Variants in COA1 observed in about 807,000 individuals in gnomAD.
COA1 encodes the protein cytochrome c oxidase assembly factor 1, also known as cytochrome c oxidase assembly factor 1 homolog.
In COA1, 13 loss-of-function variants were observed where a neutral mutation model predicts 16.0. The observed-to-expected ratio is 0.81, with a 90% CI of 0.53 to 1.29. The LOEUF is 1.29. Ranked by LOEUF, COA1 falls within the 50% of genes most tolerant of loss-of-function variation. The probability of loss-of-function intolerance (pLI) is 0.00; values close to 1 mark genes in which losing one functional copy is unlikely to be tolerated. For missense variants in COA1, 179 were observed against 177.0 expected, an observed-to-expected ratio of 1.01 and a Z score of -0.06; for synonymous variants, 65 against 65.7, an observed-to-expected ratio of 0.99 and a Z score of 0.05.
chr7:43,663,698 A>ACAC (rs1430278007), intron 1 of COA1, among the ~76,000 whole-genome samples: 1 of 142,608 alleles, frequency 7.0e-6, no homozygotes, highest in Non-Finnish European at 1.5e-5. Context: ...ACACACACAC[A>ACAC]AAAAAAAACC....
intron 6 of COA1, among the ~76,000 whole-genome samples, chr7:43,617,214 T>A (rs1002283227): frequency 6.6e-6 from 1 of 152,046 alleles, no homozygotes; most frequent in East Asian, 1.9e-4. Flanking sequence ...ATGCACACCA[T>A]GCGAAGGAGT....
rs1409229226 is a variant in COA1 at position 43,639,564 on chromosome 7, G to A, written c.*18C>T. 2 of 1,600,548 alleles carry A rather than the reference G, an allele frequency of 1.2e-6. No individual in the cohort carries two copies. The highest frequency in any genetic ancestry group is 8.6e-7 in the Non-Finnish European group (1 of 1,167,930). ...GGGAAGGATGGACTAGAAGCAAGCT[G>A]GGTCTTCTGGGTCGTCTCTACTCCT... On this transcript the variant is annotated 3_prime_UTR_variant, in exon 6 of 6. Transcript: ENST00000223336.
chr7:43,717,773 TG>T (rs1474370781), intron 1 of COA1, among the ~76,000 whole-genome samples: 1 of 152,212 alleles, frequency 6.6e-6, no homozygotes, highest in Non-Finnish European at 1.5e-5. Context: ...TCCCATGTGT[TG>T]TGGGAGGGAC....
At chr7:43,661,838 T>C (rs1324523545) in intron 1 of COA1, among the ~76,000 whole-genome samples, 2 of 152,200 alleles carry the variant, frequency 1.3e-5, no homozygotes, top group African/African-American at 2.4e-5. Context: ...AAGGAAAAAC[T>C]GTATCTACCA....
intron 1 of COA1, among the ~76,000 whole-genome samples, chr7:43,676,001 C>G (rs1400957176): frequency 6.6e-6 from 1 of 152,154 alleles, no homozygotes; most frequent in Non-Finnish European, 1.5e-5. Flanking sequence ...TCGGTGATAA[C>G]TGCTTCTTAT....
At chr7:43,715,476 TC>T (rs2095371017) in intron 1 of COA1, among the ~76,000 whole-genome samples, 1 of 146,204 alleles carries the variant, frequency 6.8e-6, no homozygotes, top group African/African-American at 2.5e-5. Flanking sequence ...AGACTCTATC[TC>T]AAAAAAAAAA....
At chr7:43,661,022 T>TC (rs34793260) in intron 1 of COA1, among the ~76,000 whole-genome samples, 22,172 of 152,178 alleles carry the variant, frequency 0.15, 2,184 homozygotes, top group Non-Finnish European at 0.21. Context: ...CCCTGGCACT[T>TC]CCTGTCCACC....
intron 3 of COA1, 88 bp from the exon 4 acceptor site, chr7:43,645,487 A>C: frequency 8.4e-7 from 1 of 1,197,330 alleles, no homozygotes; most frequent in Non-Finnish European, 1.2e-6. Context: ...CAACTGACGT[A>C]CAGGGTAGAA....
intron 1 of COA1, chr7:43,656,222 T>C (rs1194654610): frequency 2.6e-5 from 4 of 152,250 alleles, no homozygotes; most frequent in Non-Finnish European, 5.9e-5. Flanking sequence ...AGGTTTGTTA[T>C]GCAGCCATTG....
chr7:43,680,284 A>C lies in COA1; in HGVS notation c.-38-31632T>G, dbSNP rs1017839443. ...CATACAGAATTTGGGACAGGGAGAC[A>C]AAAAAAAAAAAAAAAAAAGTAAGTA... On this transcript the variant is annotated intron_variant, in intron 1 of 5. Transcript: ENST00000223336. 6.3e-5 allele frequency among the ~76,000 whole-genome samples: 7 copies of C among 111,984 alleles called. No individual in the cohort carries two copies. In the East Asian group the frequency reaches 9.5e-4, roughly 15 times the overall value. 73.5% of individuals were successfully genotyped at this position (111,984 alleles called of 152,430 possible).
intron 1 of COA1, among the ~76,000 whole-genome samples, chr7:43,696,111 A>T (rs1184907641): frequency 1.3e-5 from 2 of 152,238 alleles, no homozygotes; most frequent in African/African-American, 4.8e-5. Flanking sequence ...GAGTGCTGGG[A>T]TTAAGGTATG....
At position 43,639,505 on chromosome 7, in the gene COA1, G is replaced by GGCC. The variant is rs1336060309; in HGVS notation, c.*74_*76dup. ...TGCAGGAGTGTCTGTCACTGAGATG[G>GGCC]GCCACCACCCCAGTGGCCATATGGT... On this transcript the variant is annotated 3_prime_UTR_variant, in exon 6 of 6. Coordinates refer to ENST00000223336, the MANE Select transcript of COA1 (RefSeq NM_018224.4). The GGCC allele has an allele frequency of 3.4e-6, 4 of 1,189,004 alleles. No homozygotes were observed. In the East Asian group the frequency reaches 9.4e-5, roughly 28 times the overall value. The allele number at this position is 1,189,004 out of a possible 1,614,324, so 73.7% of individuals were successfully genotyped here.
At chr7:43,728,137 G>A (rs1245640496) in intron 1 of COA1, among the ~76,000 whole-genome samples, 1 of 152,050 alleles carries the variant, frequency 6.6e-6, no homozygotes, top group East Asian at 1.9e-4. Context: ...ACCACGCCCG[G>A]CTAATTTTTT....
In COA1 at chr7:43,683,620, C is replaced by T. The variant is rs151165227; in HGVS notation, c.-38-34968G>A. ...CTGCACTCCAGCCTGGGCGACAGAG[C>T]GAGACTCTGTCTCAAAAAAAAAACA... On this transcript the variant is annotated intron_variant, in intron 1 of 5. Transcript: ENST00000223336. 1.8e-3 allele frequency among the ~76,000 whole-genome samples: 268 copies of T among 151,600 alleles called. 1 individual carries two copies. Among genetic ancestry groups the T allele is most frequent in the African/African-American group, 6.2e-3 (253 of 41,134 alleles).
At chr7:43,638,144 T>A (rs1432168694), downstream of COA1, among the ~76,000 whole-genome samples, 3 of 152,104 alleles carry the variant, frequency 2.0e-5, no homozygotes, top group African/African-American at 7.2e-5. Flanking sequence ...CACATAAATA[T>A]GTTTTTAAAG....
chr7:43,627,048 T>G (rs1226398947), intron 6 of COA1, among the ~76,000 whole-genome samples: 1 of 152,230 alleles, frequency 6.6e-6, no homozygotes, highest in East Asian at 1.9e-4. Flanking sequence ...CTGTTAATGT[T>G]CCTTTTTTTC....
chr7:43,634,738 T>G (rs970750283), downstream of COA1, among the ~76,000 whole-genome samples: 28 of 152,156 alleles, frequency 1.8e-4, no homozygotes, highest in African/African-American at 6.8e-4. Context: ...TTGCATAGAG[T>G]AGGGCAGTTA....
chr7:43,668,410 C>T (rs1338410898), intron 1 of COA1, among the ~76,000 whole-genome samples: 1 of 152,204 alleles, frequency 6.6e-6, no homozygotes, highest in Non-Finnish European at 1.5e-5. Flanking sequence ...ACTCTTGCTG[C>T]ACTTTATGCA....
intron 5 of COA1, 117 bp from the exon 6 acceptor site, chr7:43,639,798 C>T (rs2086605488): frequency 2.8e-6 from 2 of 713,468 alleles, no homozygotes; most frequent in Non-Finnish European, 4.7e-6. Context: ...TTTTTTTAAA[C>T]ATTATTTTGT....
Sources: allele counts gnomAD v4.1 joint callset (sites outside exome capture counted in the v4.1 genomes callset), GRCh38; gene constraint gnomAD v4.1.1; transcripts MANE v1.5; gene names NCBI Gene and HGNC (gene_info 2026-07-23, HGNC 2026-07-21).